The following SYN3 variants were observed in gnomAD, a reference collection of about 807,000 sequenced individuals.
SYN3 encodes the protein synapsin III, also known as synapsin-3.
In SYN3, 35 loss-of-function variants were observed where a neutral mutation model predicts 65.8. The observed-to-expected ratio is 0.53, with a 90% CI of 0.41 to 0.70. SYN3 has a LOEUF of 0.70. Ranked by LOEUF, SYN3 falls within the 30% of genes least tolerant of loss-of-function variation. SYN3 has a pLI of 0.00. For synonymous variants in SYN3, 270 were observed against 292.9 expected (o/e 0.92, Z 0.80); for missense variants, 680 against 749.0 (o/e 0.91, Z 1.08).
chr22:32,553,527 A>G (rs570191107), intron 7 of SYN3, among the ~76,000 whole-genome samples: 9 of 152,358 alleles, frequency 5.9e-5, no homozygotes, highest in Admixed American at 1.3e-4. Context: ...ATTCTGTCTC[A>G]GTCTGAAATG....
At chr22:32,722,013 A>G (rs2061126037) in intron 6 of SYN3, among the ~76,000 whole-genome samples, 1 of 152,208 alleles carries the variant, frequency 6.6e-6, no homozygotes. Flanking sequence ...TAACTTGCTT[A>G]AGAAGCAGAG....
At chr22:32,605,419 T>G (rs1231641021) in intron 6 of SYN3, among the ~76,000 whole-genome samples, 2 of 152,120 alleles carry the variant, frequency 1.3e-5, no homozygotes, top group Non-Finnish European at 2.9e-5. Context: ...AGAGCAGGCT[T>G]TAGGAAGAGT....
intron 3 of SYN3, among the ~76,000 whole-genome samples, chr22:32,948,798 G>C (rs1314308606): frequency 6.7e-6 from 1 of 149,910 alleles, no homozygotes; most frequent in African/African-American, 2.5e-5. Flanking sequence ...CTTATTTCAT[G>C]TTCGTTGAGC....
intron 6 of SYN3, among the ~76,000 whole-genome samples, chr22:32,621,866 T>C (rs2059599746): frequency 6.6e-6 from 1 of 152,058 alleles, no homozygotes. Context: ...AGCTAAGAAG[T>C]GGAAGAGCAG....
intron 1 of SYN3, among the ~76,000 whole-genome samples, chr22:33,042,019 G>A (rs762493466): frequency 6.6e-6 from 1 of 152,148 alleles, no homozygotes; most frequent in Admixed American, 6.6e-5. Context: ...CTAACGTGAT[G>A]GTATTTAGAG....
At chr22:32,637,126 G>C (rs2059827776) in intron 6 of SYN3, among the ~76,000 whole-genome samples, 1 of 152,170 alleles carries the variant, frequency 6.6e-6, no homozygotes, top group Non-Finnish European at 1.5e-5. Flanking sequence ...GTCCCTGCAG[G>C]GAGGAAGACG....
intron 7 of SYN3, among the ~76,000 whole-genome samples, chr22:32,581,298 C>T (rs3788462): frequency 0.46 from 70,026 of 151,984 alleles, 18,398 homozygotes; most frequent in East Asian, 0.68. Flanking sequence ...TTAGCAGAGA[C>T]GGGTTTCGCC....
chr22:32,931,667 G>C (rs1210993479), intron 3 of SYN3, among the ~76,000 whole-genome samples, 186 bp from the exon 4 acceptor site: 1 of 152,178 alleles, frequency 6.6e-6, no homozygotes. Flanking sequence ...TAAGAGGCCT[G>C]GTGGCATGTC....
At chr22:32,810,454 G>A (rs183997968) in intron 6 of SYN3, among the ~76,000 whole-genome samples, 1 of 151,078 alleles carries the variant, frequency 6.6e-6, no homozygotes, top group Non-Finnish European at 1.5e-5. Flanking sequence ...AAGGAAAGCT[G>A]TACGATCTGG....
At chr22:32,716,599 C>A (rs892522819) in intron 6 of SYN3, among the ~76,000 whole-genome samples, 1 of 152,064 alleles carries the variant, frequency 6.6e-6, no homozygotes, top group Admixed American at 6.6e-5. Flanking sequence ...GGCATGATCT[C>A]GGCTCATTGC....
intron 4 of SYN3, among the ~76,000 whole-genome samples, chr22:32,887,397 A>G (rs1042276564): frequency 5.3e-5 from 8 of 152,000 alleles, no homozygotes; most frequent in Non-Finnish European, 7.4e-5. Flanking sequence ...AAAAAAAAGA[A>G]CTGTGTGCAA....
At chr22:32,861,674 A>G (rs1432621831) in intron 6 of SYN3, 3 of 152,622 alleles carry the variant, frequency 2.0e-5, no homozygotes, top group Admixed American at 6.5e-5. Flanking sequence ...GCAGAACCAC[A>G]TCCCCATCTG....
At position 33,025,957 on chromosome 22, in the gene SYN3, T is replaced by C. The variant is rs1008903126; in HGVS notation, c.-162-19133A>G. 4.6e-5 allele frequency among the ~76,000 whole-genome samples: 7 copies of C among 152,272 alleles called. 1 individual carries two copies. Among genetic ancestry groups the C allele is most frequent in the East Asian group, 3.9e-4 (2 of 5,168 alleles). ...CCAAAGAGACGTCCCATGTTTCTAC[T>C]TGCCCTCTTGCACCTCTGTCACTGC... is the stretch of plus-strand genomic sequence containing the variant. On this transcript the variant is annotated intron_variant, in intron 1 of 13. Coordinates refer to ENST00000358763, the MANE Select transcript of SYN3 (RefSeq NM_003490.4).
At chr22:32,858,642 G>A (rs5749527) in intron 6 of SYN3, among the ~76,000 whole-genome samples, 10,543 of 152,154 alleles carry the variant, frequency 0.069, 1,050 homozygotes, top group African/African-American at 0.22. Context: ...GCCTGCTGTG[G>A]GAGGAAGTTG....
chr22:32,656,127 C>T (rs1003903482), intron 6 of SYN3, among the ~76,000 whole-genome samples: 15 of 152,304 alleles, frequency 9.8e-5, no homozygotes, highest in South Asian at 6.2e-4. Context: ...GGGTTTTGAA[C>T]GGCTCATAAT....
In SYN3 at chr22:32,844,868, G is replaced by T. The variant is rs137964248; in HGVS notation, c.711+20047C>A. On this transcript the variant is annotated intron_variant, in intron 6 of 13. Coordinates refer to ENST00000358763, the MANE Select transcript of SYN3 (RefSeq NM_003490.4). ...TGAGACTACAGATACACGGCACCAT[G>T]CCTGGCTAATTGTTTTAAATTTTTA... 1.8e-4 allele frequency among the ~76,000 whole-genome samples: 27 copies of T among 152,068 alleles called. No individual in the cohort carries two copies. In the East Asian group the frequency reaches 4.1e-3, roughly 23 times the overall value.
intron 1 of SYN3, among the ~76,000 whole-genome samples, chr22:33,055,683 A>G (rs1479459805): frequency 2.0e-5 from 3 of 152,214 alleles, no homozygotes; most frequent in African/African-American, 7.2e-5. Flanking sequence ...GGGAGTACAG[A>G]AGGCCTTTCC....
Position 32,508,493 on chromosome 22 carries a change from C to T in SYN3, c.*5199G>A, listed in dbSNP as rs62232670. ...CTGTTTAGTGGTCTCTTCACACAGA[C>T]GCGCATGAAAGGGGCCCCAAGGAGA... On this transcript the variant is annotated 3_prime_UTR_variant, in exon 14 of 14. Coordinates refer to ENST00000358763, the MANE Select transcript of SYN3 (RefSeq NM_003490.4). 0.17 allele frequency among the ~76,000 whole-genome samples: 26,095 copies of T among 152,036 alleles called. 2,450 individuals carry two copies. Among genetic ancestry groups the T allele is most frequent in the Non-Finnish European group, 0.22 (14,982 of 67,946 alleles).
At chr22:32,762,178 T>A (rs1266194243) in intron 6 of SYN3, among the ~76,000 whole-genome samples, 2 of 152,222 alleles carry the variant, frequency 1.3e-5, no homozygotes, top group African/African-American at 4.8e-5. Context: ...GCCATCTTGC[T>A]CCCTGTCCAT....
Sources: allele counts gnomAD v4.1 joint callset (sites outside exome capture counted in the v4.1 genomes callset), GRCh38; gene constraint gnomAD v4.1.1; transcripts MANE v1.5; gene names NCBI Gene and HGNC (gene_info 2026-07-23, HGNC 2026-07-21).